DPF2: variants seen among roughly 807,000 people sequenced by gnomAD.
The protein encoded by DPF2 is double PHD fingers 2.
A neutral mutation model predicts 59.6 loss-of-function variants in DPF2; 10 were observed. That is an observed-to-expected ratio of 0.17 (90% CI 0.10 to 0.28). The LOEUF (loss-of-function observed/expected upper bound fraction) is 0.28. Ranked by LOEUF, DPF2 falls within the 10% of genes least tolerant of loss-of-function variation. The pLI is 1.00. For missense variants in DPF2, 315 were observed against 509.4 expected, an observed-to-expected ratio of 0.62 and a Z score of 3.67; for synonymous variants, 189 against 190.6, an observed-to-expected ratio of 0.99 and a Z score of 0.07.
At chr11:65,345,403 C>G (rs1356576092) in intron 6 of DPF2, 8 of 499,172 alleles carry the variant, frequency 1.6e-5, no homozygotes, top group Non-Finnish European at 2.9e-5. Context: ...GGCTAAGCCC[C>G]CCAAAAGTCA....
intron 9 of DPF2, 95 bp from the exon 10 acceptor site, chr11:65,348,755 T>C: frequency 8.0e-7 from 1 of 1,249,812 alleles, no homozygotes; most frequent in Non-Finnish European, 1.2e-6. Flanking sequence ...TGTTCTTACC[T>C]GCTACCTACC....
chr11:65,341,765 C>T, intron 4 of DPF2: 1 of 591,028 alleles, frequency 1.7e-6, no homozygotes, highest in South Asian at 2.7e-5. Context: ...CTCATTCATT[C>T]ACTTTTATCA....
chr11:65,340,374 C>G lies in DPF2; in HGVS notation c.33-11C>G. Reference sequence around the variant, plus strand: ...TCCAACATACACGCCTGATTTCTATCTTCCCTGCAGCCTTGGGGAGCAGTA... The same window carrying G: ...TCCAACATACACGCCTGATTTCTATGTTCCCTGCAGCCTTGGGGAGCAGTA... On this transcript the variant is annotated splice_polypyrimidine_tract_variant and intron_variant, in intron 1 of 10. Coordinates refer to ENST00000528416, the MANE Select transcript of DPF2 (RefSeq NM_006268.5). The G allele has an allele frequency of 4.3e-6, 7 of 1,613,394 alleles. No individual in the cohort carries two copies. The highest frequency in any genetic ancestry group is 5.1e-6 in the Non-Finnish European group (6 of 1,179,424).
Position 65,352,884 on chromosome 11 carries a change from C to G in DPF2, c.*1125C>G, listed in dbSNP as rs566601681. On this transcript the variant is annotated 3_prime_UTR_variant, in exon 11 of 11. Transcript: ENST00000528416. ...CTTCCCCCTTGGCCGTGGGCAGGCCCTAACTCACTGTCGCTTTGGAGTTGA... is the reference window on the plus strand; with the variant it reads ...CTTCCCCCTTGGCCGTGGGCAGGCCGTAACTCACTGTCGCTTTGGAGTTGA... The G allele has an allele frequency of 6.6e-6, 1 of 152,662 alleles. No homozygotes were observed. Among genetic ancestry groups the G allele is most frequent in the East Asian group, 1.9e-4 (1 of 5,190 alleles). The allele number at this position is 152,662 out of a possible 1,614,324, so 9.5% of individuals were successfully genotyped here. A position where few individuals can be genotyped will look rare whatever the true frequency, so the allele number is the denominator to read the frequency against.
At chr11:65,348,159 A>G in intron 9 of DPF2, 1 of 152,052 alleles carries the variant, frequency 6.6e-6, no homozygotes, top group South Asian at 2.1e-4. Context: ...GGTGGCACAC[A>G]CGTTAGTCCC....
At chr11:65,344,975 C>A in intron 6 of DPF2, 1 of 320,814 alleles carries the variant, frequency 3.1e-6, no homozygotes, top group Non-Finnish European at 5.7e-6. Context: ...TCCTGCCATC[C>A]TCTCTCCCCA....
At chr11:65,344,267 TG>T (rs34879490) in intron 6 of DPF2, 198 bp downstream of exon 6, 10 of 633,728 alleles carry the variant, frequency 1.6e-5, no homozygotes, top group Non-Finnish European at 2.8e-5. Context: ...CTGCATGCTC[TG>T]GGAAAGATTT....
Position 65,353,789 on chromosome 11 carries a change from A to G in DPF2, c.*2030A>G, listed in dbSNP as rs1854790311. ...CGGCCTGCACTGTTATGTTCAATAAATAAGCAGGGTGCTCTGGGCTGGGGA... is the reference window on the plus strand; with the variant it reads ...CGGCCTGCACTGTTATGTTCAATAAGTAAGCAGGGTGCTCTGGGCTGGGGA... On this transcript the variant is annotated 3_prime_UTR_variant, in exon 11 of 11. Transcript: ENST00000528416. Among the ~76,000 whole-genome samples the G allele has an allele frequency of 6.6e-6, 1 of 152,228 alleles. No individual in the cohort carries two copies. The highest frequency in any genetic ancestry group is 1.5e-5 in the Non-Finnish European group (1 of 68,048).
chr11:65,346,347 C>T lies in DPF2; in HGVS notation c.1005C>T (p.Thr335=). Residue 335 remains threonine (T), a synonymous_variant, in exon 9 of 11, where the codon ACC becomes ACT. Transcript: ENST00000528416. ...GCAAATGTTGCAATATCTGCGGCAC[C>T]TCCGAGAATGACGTGTGTATCCCCG... is the stretch of plus-strand genomic sequence containing the variant. ...IECKCCNICG[T]SENDDQLLFC... 6.2e-7 allele frequency: 1 copy of T among 1,612,452 alleles called. No homozygotes were observed. Among genetic ancestry groups the T allele is most frequent in the Non-Finnish European group, 8.5e-7 (1 of 1,179,988 alleles).
At chr11:65,341,153 A>G in intron 3 of DPF2, 80 bp downstream of exon 3, 5 of 1,453,814 alleles carry the variant, frequency 3.4e-6, no homozygotes, top group East Asian at 2.3e-5. Context: ...TACCAGGCCC[A>G]GTACTAGATC....
At chr11:65,345,465 C>T (rs1590936241) in intron 6 of DPF2, 2 of 652,200 alleles carry the variant, frequency 3.1e-6, no homozygotes, top group East Asian at 2.8e-5. Context: ...GGGAAAAGAG[C>T]CCCAGAAGCT....
At chr11:65,341,160 G>C in intron 3 of DPF2, 87 bp downstream of exon 3, 4 of 1,410,124 alleles carry the variant, frequency 2.8e-6, no homozygotes, top group Non-Finnish European at 4.0e-6. Context: ...CCCAGTACTA[G>C]ATCCCAAATA....
chr11:65,349,232 T>C (rs1169360438), intron 10 of DPF2, among the ~76,000 whole-genome samples: 2 of 152,170 alleles, frequency 1.3e-5, no homozygotes, highest in Admixed American at 1.3e-4. Context: ...AAAACTCAAG[T>C]GGTAGATTAT....
chr11:65,342,464 CTT>C (rs927228489), intron 4 of DPF2, among the ~76,000 whole-genome samples: 3 of 152,088 alleles, frequency 2.0e-5, no homozygotes, highest in Non-Finnish European at 4.4e-5. Context: ...GGGAAACAAA[CTT>C]TTATCCCTAA....
At chr11:65,334,562 C>T (rs1043815953) in intron 1 of DPF2, among the ~76,000 whole-genome samples, 1 of 152,224 alleles carries the variant, frequency 6.6e-6, no homozygotes, top group Non-Finnish European at 1.5e-5. Context: ...GGACCGAAGC[C>T]GTTCAGGACA....
Position 65,341,342 on chromosome 11 carries a change from C to T in DPF2, c.302-57C>T, listed in dbSNP as rs545359271. The T allele has an allele frequency of 3.1e-6, 5 of 1,607,392 alleles. No individual in the cohort carries two copies. In the South Asian group the frequency reaches 5.5e-5, roughly 18 times the overall value. ...GGTAAGCCCCAGCATTATGTGGACT[C>T]AGAGCAGTCTGCTTTCAGCCCTTTT... On this transcript the variant is annotated intron_variant, in intron 3 of 10. Coordinates refer to ENST00000528416, the MANE Select transcript of DPF2 (RefSeq NM_006268.5).
In DPF2 at chr11:65,351,952, G is replaced by A. The variant is rs1854710827; in HGVS notation, c.*193G>A. ...ACCACCTCTGGCCCCAGGCCCTCAG[G>A]GAGAAAGGAGCAACACACTGCCCCT... On this transcript the variant is annotated 3_prime_UTR_variant, in exon 11 of 11. Transcript: ENST00000528416. The A allele has an allele frequency of 1.6e-6, 1 of 615,922 alleles. No homozygotes were observed. Among genetic ancestry groups the A allele is most frequent in the African/African-American group, 1.8e-5 (1 of 54,080 alleles). 38.2% of individuals were successfully genotyped at this position (615,922 alleles called of 1,614,324 possible).
chr11:65,344,479 G>T, intron 6 of DPF2: 1 of 1,197,078 alleles, frequency 8.4e-7, no homozygotes, highest in South Asian at 1.4e-5. Context: ...CACCATCGCC[G>T]CTGGGGTTTC....
intron 9 of DPF2, 63 bp downstream of exon 9, chr11:65,346,422 T>G: frequency 6.9e-7 from 1 of 1,456,324 alleles, no homozygotes; most frequent in East Asian, 2.3e-5. Context: ...GTTTGCACAG[T>G]TCCCTCTAAA....
Sources: allele counts gnomAD v4.1 joint callset (sites outside exome capture counted in the v4.1 genomes callset), GRCh38; gene constraint gnomAD v4.1.1; transcripts MANE v1.5; gene names NCBI Gene and HGNC (gene_info 2026-07-23, HGNC 2026-07-21).